Variants in CHKA observed in about 807,000 individuals in gnomAD.
CHKA encodes CHETK-alpha.
In CHKA, 34 loss-of-function variants were observed where a neutral mutation model predicts 60.1. The ratio of observed to expected loss-of-function variants is 0.57; its 90% CI spans 0.43 to 0.75. The LOEUF (loss-of-function observed/expected upper bound fraction) is 0.75. Ranked by LOEUF, CHKA falls within the 30% of genes least tolerant of loss-of-function variation. The pLI is 0.00. For missense variants in CHKA, 563 were observed against 561.3 expected (o/e 1.00, Z -0.03); for synonymous variants, 217 against 223.1 (o/e 0.97, Z 0.24).
rs1856268211 is a variant in CHKA, at chr11:68,062,030, C to A, written c.1237G>T (p.Ala413Ser). The change falls in exon 11 of 12, where the codon GCC becomes TCC. Residue 413 changes from alanine (A) to serine (S), a missense_variant. Ala to Ser is a moderately conservative substitution (Grantham distance 99). Coordinates refer to ENST00000265689, the MANE Select transcript of CHKA (RefSeq NM_001277.3). ...CCCCAGAGGAAATGAGATGCAAGGG[C>A]AAACCTGGAATGATAAAAGCAAGAA... ...EEMLLEVNRF[A>S]LASHFLWGLW... 1 of 1,586,722 alleles carries A rather than the reference C, an allele frequency of 6.3e-7. No homozygotes were observed. The highest frequency in any genetic ancestry group is 8.6e-7 in the Non-Finnish European group (1 of 1,164,382).
chr11:68,098,767 C>CA (rs1857598798), intron 1 of CHKA, among the ~76,000 whole-genome samples: 1 of 151,974 alleles, frequency 6.6e-6, no homozygotes, highest in African/African-American at 2.4e-5. Context: ...AATCTCGGCT[C>CA]ACTGCAACCT....
At chr11:68,097,567 C>T (rs1008146006) in intron 1 of CHKA, among the ~76,000 whole-genome samples, 1 of 141,294 alleles carries the variant, frequency 7.1e-6, no homozygotes, top group African/African-American at 2.7e-5. Flanking sequence ...ACCCGGGAGG[C>T]GAAGCTTGCA....
chr11:68,068,970 G>A (rs371442712), intron 6 of CHKA, 33 bp from the exon 7 acceptor site: 38 of 1,554,146 alleles, frequency 2.4e-5, no homozygotes, highest in African/African-American at 1.1e-4. Context: ...TACCCATCAC[G>A]CTTCTCAGTC....
At chr11:68,059,542 G>C (rs906320540) in intron 11 of CHKA, among the ~76,000 whole-genome samples, 1 of 152,180 alleles carries the variant, frequency 6.6e-6, no homozygotes, top group Non-Finnish European at 1.5e-5. Flanking sequence ...AAAGCCGTAA[G>C]TTTCTAGATA....
chr11:68,055,345 G>C (rs953040237), intron 11 of CHKA, among the ~76,000 whole-genome samples: 1 of 152,160 alleles, frequency 6.6e-6, no homozygotes, highest in Non-Finnish European at 1.5e-5. Context: ...AGCCAAGATC[G>C]GGCCACTGTA....
rs753142138 is a variant in CHKA at position 68,066,413 on chromosome 11, G to C, written c.1016+16C>G. 4 of 1,563,024 alleles carry C rather than the reference G, an allele frequency of 2.6e-6. No homozygotes were observed. Among genetic ancestry groups the C allele is most frequent in the Non-Finnish European group, 3.5e-6 (4 of 1,134,026 alleles). ...AATCAATATTGAGATGGAAACACTG[G>C]ACTGTAACACAGTACCTGTAATTGT... On this transcript the variant is annotated intron_variant, in intron 8 of 11. Coordinates refer to ENST00000265689, the MANE Select transcript of CHKA (RefSeq NM_001277.3).
chr11:68,097,621 G>A (rs1322398503), intron 1 of CHKA, among the ~76,000 whole-genome samples: 1 of 115,080 alleles, frequency 8.7e-6, no homozygotes, highest in Non-Finnish European at 1.7e-5. Context: ...GGGCGACAGA[G>A]CAAGACTCCG....
intron 1 of CHKA, among the ~76,000 whole-genome samples, chr11:68,103,989 A>G (rs2153026899): frequency 6.6e-6 from 1 of 152,278 alleles, no homozygotes; most frequent in East Asian, 1.9e-4. Flanking sequence ...CTGGTAATAC[A>G]TCCAGAGGAA....
At chr11:68,101,152 G>A (rs1279064673) in intron 1 of CHKA, among the ~76,000 whole-genome samples, 2 of 151,834 alleles carry the variant, frequency 1.3e-5, no homozygotes, top group Non-Finnish European at 2.9e-5. Context: ...GTTTCACCGT[G>A]TTAGCCAGGA....
intron 2 of CHKA, among the ~76,000 whole-genome samples, chr11:68,093,960 C>T (rs1448651224): frequency 2.6e-5 from 4 of 152,198 alleles, no homozygotes; most frequent in African/African-American, 9.7e-5. Context: ...AGCACAGATG[C>T]AGAACCCTCC....
intron 8 of CHKA, 53 bp downstream of exon 8, chr11:68,066,376 A>G: frequency 7.2e-7 from 1 of 1,380,786 alleles, no homozygotes; most frequent in East Asian, 2.3e-5. Flanking sequence ...AATTAAGCAT[A>G]TCGTAATGAT....
chr11:68,085,030 TG>T (rs1857135953), intron 2 of CHKA, among the ~76,000 whole-genome samples: 1 of 152,074 alleles, frequency 6.6e-6, no homozygotes, highest in African/African-American at 2.4e-5. Flanking sequence ...CACACAATAA[TG>T]AAAAATATAT....
In CHKA at chr11:68,121,298, CGGTTGGGCGCGCGG is replaced by C. The variant is rs1207852497; in HGVS notation, c.-135_-122del. On this transcript the variant is annotated 5_prime_UTR_variant, in exon 1 of 12. Transcript: ENST00000265689. ...AGGCCGGCGGGGCAGGGGGCCGCGG[CGGTTGGGCGCGCGG>C]GGCGGCGGCGGCGGCTGCGGCGACT... 3 of 780,790 alleles carry C rather than the reference CGGTTGGGCGCGCGG, an allele frequency of 3.8e-6. No individual in the cohort carries two copies. Among genetic ancestry groups the C allele is most frequent in the African/African-American group, 1.9e-5 (1 of 52,040 alleles). The allele number at this position is 780,790 out of a possible 1,614,324, so 48.4% of individuals were successfully genotyped here. A position where few individuals can be genotyped will look rare whatever the true frequency, so the allele number is the denominator to read the frequency against.
intron 1 of CHKA, among the ~76,000 whole-genome samples, chr11:68,100,604 C>CATACATAAATAA (rs574062285): frequency 9.2e-5 from 6 of 65,542 alleles, no homozygotes; most frequent in African/African-American, 2.7e-4. Context: ...TAAATAAATA[C>CATACATAAATAA]ATAAATAAAT....
chr11:68,114,186 T>TA (rs1444143139), intron 1 of CHKA, among the ~76,000 whole-genome samples: 1 of 151,990 alleles, frequency 6.6e-6, no homozygotes, highest in Non-Finnish European at 1.5e-5. Flanking sequence ...AAACTAAACG[T>TA]AACTCTCACC....
At chr11:68,114,435 C>T (rs1358425313) in intron 1 of CHKA, among the ~76,000 whole-genome samples, 1 of 152,156 alleles carries the variant, frequency 6.6e-6, no homozygotes, top group African/African-American at 2.4e-5. Context: ...CAGGGGCTCA[C>T]CCCTGTAATT....
chr11:68,089,451 A>G (rs1299536695), intron 2 of CHKA, among the ~76,000 whole-genome samples: 1 of 152,214 alleles, frequency 6.6e-6, no homozygotes, highest in Non-Finnish European at 1.5e-5. Context: ...TCTGACCAAA[A>G]TATCAAAATA....
Position 68,068,936 on chromosome 11 carries a change from A to G in CHKA, c.871T>C (p.Ser291Pro). 1 of 1,611,162 alleles carries G rather than the reference A, an allele frequency of 6.2e-7. No individual in the cohort carries two copies. The highest frequency in any genetic ancestry group is 2.2e-5 in the East Asian group (1 of 44,876). The change falls in exon 7 of 12, where the codon TCA becomes CCA. Residue 291 changes from serine (S) to proline (P), a missense_variant and splice_region_variant. Coordinates refer to ENST00000265689, the MANE Select transcript of CHKA (RefSeq NM_001277.3). ...NLPLELENLR[S>P]LLESTPSPVV... ...GGAGATGGAGTAGATTCAAGCAATG[A>G]TCTGAAAAGAAAGGTTTCACTGTTA...
intron 1 of CHKA, among the ~76,000 whole-genome samples, chr11:68,114,361 ATAC>A (rs1487402732): frequency 6.6e-6 from 1 of 152,226 alleles, no homozygotes; most frequent in Non-Finnish European, 1.5e-5. Context: ...AGATGACAGA[ATAC>A]TACTGAGTAT....
Sources: gnomAD v4.1 joint callset for allele counts (sites outside exome capture counted in the v4.1 genomes callset) on GRCh38, gnomAD v4.1.1 for gene constraint, MANE v1.5 for transcripts, NCBI Gene and HGNC (gene_info 2026-07-23, HGNC 2026-07-21) for gene names.